The following TMC2 variants were observed in gnomAD, a reference collection of about 807,000 sequenced individuals.
The protein encoded by TMC2 is transmembrane channel like 2.
Under a neutral mutation model 105.9 loss-of-function variants are expected in TMC2, and 102 were observed. That is an observed-to-expected ratio of 0.96 (90% CI 0.82 to 1.14). The LOEUF (loss-of-function observed/expected upper bound fraction) is 1.14, where lower values mean the gene tolerates loss of function less well. TMC2 is among the 50% of genes most tolerant of loss of function. TMC2 has a pLI of 0.00. For synonymous variants in TMC2, 402 were observed against 422.8 expected (o/e 0.95, Z 0.60); for missense variants, 1,093 against 1,134.3 (o/e 0.96, Z 0.52).
At chr20:2,579,688 T>G (rs1222954665) in intron 6 of TMC2, among the ~76,000 whole-genome samples, 1 of 152,066 alleles carries the variant, frequency 6.6e-6, no homozygotes, top group Non-Finnish European at 1.5e-5. Flanking sequence ...CCTCCCAAAG[T>G]GCTGGGATTA....
chr20:2,632,810 C>T (rs964564724), intron 17 of TMC2, among the ~76,000 whole-genome samples: 2 of 152,044 alleles, frequency 1.3e-5, no homozygotes, highest in Admixed American at 6.6e-5. Flanking sequence ...AGGCTGGTCT[C>T]GAACTCCTGA....
chr20:2,545,702 AAAGAAGAAGG>A (rs1347674990), intron 2 of TMC2, among the ~76,000 whole-genome samples: 1 of 139,562 alleles, frequency 7.2e-6, no homozygotes, highest in Non-Finnish European at 1.6e-5. Context: ...AAGGAAGAAG[AAAGAAGAAGG>A]AAGAAGAAGA....
intron 2 of TMC2, among the ~76,000 whole-genome samples, chr20:2,553,425 A>G (rs1268752361): frequency 6.6e-6 from 1 of 152,176 alleles, no homozygotes; most frequent in African/African-American, 2.4e-5. Flanking sequence ...AGTCTTGCAT[A>G]CCTGGACTAA....
At chr20:2,609,463 C>T (rs1297785360) in intron 11 of TMC2, among the ~76,000 whole-genome samples, 1 of 123,974 alleles carries the variant, frequency 8.1e-6, no homozygotes, top group African/African-American at 5.6e-5. Flanking sequence ...GAATTCTACC[C>T]TTAAGGGGAT....
intron 17 of TMC2, among the ~76,000 whole-genome samples, chr20:2,633,142 A>G (rs192399849): frequency 3.6e-4 from 55 of 152,336 alleles, no homozygotes; most frequent in Admixed American, 1.1e-3. Flanking sequence ...ATTTTCTTAC[A>G]TGTCTGGAAC....
intron 10 of TMC2, among the ~76,000 whole-genome samples, 195 bp from the exon 11 acceptor site, chr20:2,601,918 G>A (rs1225528156): frequency 6.6e-6 from 1 of 152,180 alleles, no homozygotes; most frequent in African/African-American, 2.4e-5. Context: ...TTTCTTACAT[G>A]TACTGGAATA....
chr20:2,551,988 G>A (rs1436826612), intron 2 of TMC2, among the ~76,000 whole-genome samples: 2 of 152,112 alleles, frequency 1.3e-5, no homozygotes, highest in East Asian at 3.8e-4. Context: ...GCTGGGTGCA[G>A]TAGCTCACGC....
intron 14 of TMC2, 74 bp downstream of exon 14, chr20:2,613,396 A>G (rs2086457344): frequency 6.3e-7 from 1 of 1,592,470 alleles, no homozygotes; most frequent in Non-Finnish European, 8.6e-7. Flanking sequence ...AGCCAGATGC[A>G]TTCTTGGGCA....
intron 2 of TMC2, among the ~76,000 whole-genome samples, chr20:2,549,001 T>A (rs574068804): frequency 3.0e-4 from 46 of 152,334 alleles, no homozygotes; most frequent in African/African-American, 1.0e-3. Flanking sequence ...AAATTAAACA[T>A]AATAAATTAG....
At chr20:2,622,291 T>G (rs1046554339) in intron 16 of TMC2, among the ~76,000 whole-genome samples, 7 of 152,248 alleles carry the variant, frequency 4.6e-5, no homozygotes, top group African/African-American at 1.4e-4. Context: ...AATTTTTACA[T>G]GTCACAAAAT....
At position 2,571,519 on chromosome 20, in the gene TMC2, C is replaced by T. The variant is rs113911275; in HGVS notation, c.555-660C>T. On this transcript the variant is annotated intron_variant, in intron 4 of 19. Coordinates refer to ENST00000358864, the MANE Select transcript of TMC2 (RefSeq NM_080751.3). Reference sequence around the variant, plus strand: ...AACCTAACAGATGCTGGTAAGGGTGCGGAAAAACAAACAAACAAACAAACA... The same window carrying T: ...AACCTAACAGATGCTGGTAAGGGTGTGGAAAAACAAACAAACAAACAAACA... 2.8e-3 allele frequency among the ~76,000 whole-genome samples: 428 copies of T among 152,122 alleles called. 3 individuals carry two copies. Among genetic ancestry groups the T allele is most frequent in the African/African-American group, 8.3e-3 (346 of 41,510 alleles).
intron 18 of TMC2, among the ~76,000 whole-genome samples, chr20:2,636,982 C>A (rs1296175768): frequency 6.6e-6 from 1 of 152,180 alleles, no homozygotes; most frequent in Non-Finnish European, 1.5e-5. Flanking sequence ...TTGGAAAGAT[C>A]GCTGTCCTCT....
rs534088995 is a variant in TMC2 at position 2,604,578 on chromosome 20, T to G, written c.1413+2277T>G. On this transcript the variant is annotated intron_variant, in intron 11 of 19. Transcript: ENST00000358864. ...CTTGGAATCTCTAAAGTGATCAGTGTTTTTTTTTGTATGCTAGTAAGATGA... is the reference window on the plus strand; with the variant it reads ...CTTGGAATCTCTAAAGTGATCAGTGGTTTTTTTTGTATGCTAGTAAGATGA... Among the ~76,000 whole-genome samples, 39 of 151,130 alleles carry G rather than the reference T, an allele frequency of 2.6e-4. 1 individual carries two copies. The highest frequency in any genetic ancestry group is 9.2e-4 in the African/African-American group (38 of 41,318).
intron 4 of TMC2, among the ~76,000 whole-genome samples, chr20:2,565,510 TGG>T (rs35153720): frequency 0.3 from 44,920 of 152,040 alleles, 8,025 homozygotes; most frequent in Admixed American, 0.41. Context: ...CCCAAAGTGC[TGG>T]GATTACAGAG....
At chr20:2,545,302 C>A (rs192867474) in intron 2 of TMC2, among the ~76,000 whole-genome samples, 44 of 152,238 alleles carry the variant, frequency 2.9e-4, no homozygotes, top group Non-Finnish European at 5.0e-4. Context: ...ATCTAGAATA[C>A]CCCTAGGGTA....
At chr20:2,627,889 C>T (rs1355124529) in intron 17 of TMC2, among the ~76,000 whole-genome samples, 1 of 152,078 alleles carries the variant, frequency 6.6e-6, no homozygotes, top group East Asian at 1.9e-4. Flanking sequence ...GAAAGAAGGC[C>T]GAGCATGGTG....
intron 2 of TMC2, among the ~76,000 whole-genome samples, chr20:2,544,068 ATTTTTTTT>A (rs3051737): frequency 7.5e-6 from 1 of 132,482 alleles, no homozygotes; most frequent in African/African-American, 2.9e-5. Flanking sequence ...TGCCTAGCTG[ATTTTTTTT>A]TTTTTTTTTT....
At chr20:2,554,368 A>G (rs1220400699) in intron 2 of TMC2, among the ~76,000 whole-genome samples, 4 of 152,170 alleles carry the variant, frequency 2.6e-5, no homozygotes, top group Non-Finnish European at 4.4e-5. Flanking sequence ...AGGGTCATCA[A>G]TATTATCAAT....
At chr20:2,560,000 G>A (rs969377388) in intron 3 of TMC2, among the ~76,000 whole-genome samples, 3 of 152,182 alleles carry the variant, frequency 2.0e-5, no homozygotes, top group Non-Finnish European at 4.4e-5. Flanking sequence ...CAGTGTGGCA[G>A]AGGAGATAAC....
Sources: allele counts gnomAD v4.1 joint callset (sites outside exome capture counted in the v4.1 genomes callset), GRCh38; gene constraint gnomAD v4.1.1; transcripts MANE v1.5; gene names NCBI Gene and HGNC (gene_info 2026-07-23, HGNC 2026-07-21).